FAF1: variants seen among roughly 807,000 people sequenced by gnomAD.
The protein encoded by FAF1 is Fas associated factor 1.
FAF1 carries 25 observed loss-of-function variants against 92.5 expected under a neutral mutation model. The ratio of observed to expected loss-of-function variants is 0.27; its 90% CI spans 0.20 to 0.38. FAF1 has a LOEUF of 0.38. FAF1 is among the 10% of genes least tolerant of loss of function. The pLI is 1.00. For missense variants in FAF1, 636 were observed against 793.3 expected (o/e 0.80, Z 2.38); for synonymous variants, 234 against 273.2 (o/e 0.86, Z 1.42).
chr1:50,466,498 T>C (rs900992072), intron 18 of FAF1, among the ~76,000 whole-genome samples: 3 of 152,178 alleles, frequency 2.0e-5, no homozygotes, highest in Admixed American at 6.5e-5. Flanking sequence ...ATTTGTGAGT[T>C]GTAACTGTGT....
chr1:50,545,339 A>G (rs943687050), intron 13 of FAF1, among the ~76,000 whole-genome samples: 4 of 152,134 alleles, frequency 2.6e-5, no homozygotes. Flanking sequence ...CAGTGATGCC[A>G]TCTTGGCTTA....
chr1:50,509,273 T>C (rs1647101541), intron 15 of FAF1, among the ~76,000 whole-genome samples: 1 of 152,160 alleles, frequency 6.6e-6, no homozygotes, highest in Admixed American at 6.5e-5. Flanking sequence ...ATCTAAAGTA[T>C]AAATGATGAG....
At chr1:50,684,634 T>C (rs1656572905) in intron 7 of FAF1, among the ~76,000 whole-genome samples, 1 of 152,104 alleles carries the variant, frequency 6.6e-6, no homozygotes, top group Non-Finnish European at 1.5e-5. Flanking sequence ...TGAAGCCAAT[T>C]TCAAGGTACC....
intron 8 of FAF1, among the ~76,000 whole-genome samples, chr1:50,640,295 GT>G (rs937840700): frequency 1.7e-3 from 244 of 142,044 alleles, no homozygotes; most frequent in Non-Finnish European, 2.2e-3. Context: ...GTTGTGGCAA[GT>G]TTTTTTTTTT....
chr1:50,952,627 G>A (rs576487041), intron 1 of FAF1, among the ~76,000 whole-genome samples: 102 of 150,112 alleles, frequency 6.8e-4, no homozygotes, highest in Non-Finnish European at 1.0e-3. Flanking sequence ...AGTGAGGAGC[G>A]CCTCTTCCCG....
chr1:50,818,402 A>C lies in FAF1; in HGVS notation c.115-16725T>G, dbSNP rs116959423. 2.8e-3 allele frequency among the ~76,000 whole-genome samples: 432 copies of C among 152,312 alleles called. 16 individuals are homozygous for C. In the East Asian group the frequency reaches 0.078, roughly 27 times the overall value. On this transcript the variant is annotated intron_variant, in intron 2 of 18. Transcript: ENST00000396153. Reference sequence around the variant, plus strand: ...GTATTCCCACAATTCCACTCTTAAGAATTTACCCAAAAGAAAAAATGTCTA... The same window carrying C: ...GTATTCCCACAATTCCACTCTTAAGCATTTACCCAAAAGAAAAAATGTCTA...
intron 3 of FAF1, among the ~76,000 whole-genome samples, chr1:50,792,349 T>C (rs1317318826): frequency 6.6e-6 from 1 of 152,236 alleles, no homozygotes; most frequent in East Asian, 1.9e-4. Flanking sequence ...GAAAGTTGAA[T>C]AAACATACTT....
At chr1:50,758,090 G>A (rs545671226) in intron 4 of FAF1, among the ~76,000 whole-genome samples, 13 of 152,152 alleles carry the variant, frequency 8.5e-5, no homozygotes, top group Admixed American at 8.5e-4. Flanking sequence ...GCTAATTTTT[G>A]TATTTTTAGT....
rs1337657388 is a variant in FAF1, at chr1:50,519,406, G to A, written c.1494+15963C>T. On this transcript the variant is annotated intron_variant, in intron 15 of 18. Transcript: ENST00000396153. ...AGGGAGGGAGGGAGGGAAGGAGGGA[G>A]GGAGGGAGAGAAGGAAGGAAGGAAG... Among the ~76,000 whole-genome samples the A allele has an allele frequency of 8.6e-5, 11 of 127,372 alleles. 1 individual carries two copies. Among genetic ancestry groups the A allele is most frequent in the Admixed American group, 7.5e-4 (10 of 13,414 alleles). The allele number at this position is 127,372 out of a possible 152,430, so 83.6% of individuals were successfully genotyped here. A position where few individuals can be genotyped will look rare whatever the true frequency, so the allele number is the denominator to read the frequency against.
intron 1 of FAF1, among the ~76,000 whole-genome samples, chr1:50,912,073 C>T (rs996687176): frequency 3.3e-5 from 5 of 151,408 alleles, no homozygotes; most frequent in East Asian, 3.9e-4. Flanking sequence ...GAGGACCTGA[C>T]GCACAACGAA....
chr1:50,466,275 G>A (rs1646494481), intron 18 of FAF1, among the ~76,000 whole-genome samples: 1 of 152,152 alleles, frequency 6.6e-6, no homozygotes, highest in Admixed American at 6.5e-5. Context: ...ATAACAGTAA[G>A]GTTTCTTGCC....
intron 8 of FAF1, among the ~76,000 whole-genome samples, chr1:50,625,269 T>C (rs1318412156): frequency 6.6e-6 from 1 of 152,162 alleles, no homozygotes; most frequent in Non-Finnish European, 1.5e-5. Context: ...CTGATACAAC[T>C]TCTCACACCT....
intron 15 of FAF1, among the ~76,000 whole-genome samples, chr1:50,510,152 C>T (rs1404881007): frequency 3.7e-5 from 5 of 136,552 alleles, no homozygotes; most frequent in East Asian, 2.1e-4. Context: ...GGTGACAGAA[C>T]GAGACTCTGT....
At chr1:50,627,596 T>G (rs1226127006) in intron 8 of FAF1, among the ~76,000 whole-genome samples, 2 of 150,370 alleles carry the variant, frequency 1.3e-5, no homozygotes, top group East Asian at 3.9e-4. Flanking sequence ...AAGGAGGGAG[T>G]GAAAGAGACA....
chr1:50,940,192 G>A (rs538287782), intron 1 of FAF1, among the ~76,000 whole-genome samples: 9 of 152,022 alleles, frequency 5.9e-5, no homozygotes, highest in East Asian at 1.9e-4. Context: ...GATTACAGGC[G>A]TCGAGCCACC....
chr1:50,734,297 G>A (rs1378124238), intron 6 of FAF1, among the ~76,000 whole-genome samples: 2 of 151,858 alleles, frequency 1.3e-5, no homozygotes, highest in Admixed American at 6.6e-5. Flanking sequence ...TACTATAATC[G>A]AGTTCTCATT....
chr1:50,790,821 T>A (rs774525321), intron 3 of FAF1, among the ~76,000 whole-genome samples: 1 of 152,088 alleles, frequency 6.6e-6, no homozygotes, highest in South Asian at 2.1e-4. Context: ...ATTTCCTTCA[T>A]ACTATTGCTT....
intron 3 of FAF1, among the ~76,000 whole-genome samples, chr1:50,798,039 C>A (rs943364127): frequency 5.0e-4 from 76 of 151,438 alleles, no homozygotes; most frequent in African/African-American, 1.8e-3. Flanking sequence ...TCTTTAAAGT[C>A]CATGCCATGG....
At chr1:50,723,347 C>T (rs989966126) in intron 6 of FAF1, among the ~76,000 whole-genome samples, 3 of 150,160 alleles carry the variant, frequency 2.0e-5, no homozygotes, top group African/African-American at 7.4e-5. Context: ...TTGCAGTGAG[C>T]GGAGACTGTG....
Sources: allele counts gnomAD v4.1 joint callset (sites outside exome capture counted in the v4.1 genomes callset), GRCh38; gene constraint gnomAD v4.1.1; transcripts MANE v1.5; gene names NCBI Gene and HGNC (gene_info 2026-07-23, HGNC 2026-07-21).